The following ACER3 variants were observed in gnomAD, a reference collection of about 807,000 sequenced individuals.
ACER3 encodes alkCDase 3.
In ACER3, 16 loss-of-function variants were observed where a neutral mutation model predicts 48.9. The ratio of observed to expected loss-of-function variants is 0.33; its 90% confidence interval spans 0.22 to 0.50. ACER3 has a LOEUF of 0.50. Ranked by LOEUF, ACER3 falls within the 20% of genes least tolerant of loss-of-function variation. The probability of loss-of-function intolerance (pLI) is 0.98; values close to 1 mark genes in which losing one functional copy is unlikely to be tolerated. For missense variants in ACER3, 227 were observed against 326.0 expected, an observed-to-expected ratio of 0.70 and a Z score of 2.34; for synonymous variants, 109 against 107.8, an observed-to-expected ratio of 1.01 and a Z score of -0.07.
intron 2 of ACER3, among the ~76,000 whole-genome samples, chr11:76,952,184 T>C (rs2134993133): frequency 6.6e-6 from 1 of 151,144 alleles, no homozygotes; most frequent in South Asian, 2.1e-4. Context: ...ATATGAAAAT[T>C]AGCCAGATGA....
chr11:76,868,184 T>G, intron 1 of ACER3: 1 of 1,289,838 alleles, frequency 7.8e-7, no homozygotes, highest in Non-Finnish European at 1.0e-6. Flanking sequence ...AGGCTTCTTT[T>G]TTGGTCTTGG....
chr11:76,888,215 C>T (rs1413184109), intron 1 of ACER3, among the ~76,000 whole-genome samples: 1 of 152,074 alleles, frequency 6.6e-6, no homozygotes, highest in Non-Finnish European at 1.5e-5. Flanking sequence ...TGGTATAAAG[C>T]TGTTGTGTAT....
chr11:76,946,419 T>C (rs978598539), intron 2 of ACER3, among the ~76,000 whole-genome samples: 2 of 152,128 alleles, frequency 1.3e-5, no homozygotes, highest in African/African-American at 4.8e-5. Flanking sequence ...GTCCTAAGTA[T>C]GAGTAGGAGA....
intron 1 of ACER3, among the ~76,000 whole-genome samples, chr11:76,914,454 T>G (rs1275116178): frequency 6.6e-6 from 1 of 152,162 alleles, no homozygotes; most frequent in Non-Finnish European, 1.5e-5. Context: ...ATGCTCACCA[T>G]CACTGGCCAT....
intron 8 of ACER3, among the ~76,000 whole-genome samples, chr11:77,015,798 C>G (rs1555023185): frequency 6.6e-6 from 1 of 152,102 alleles, no homozygotes; most frequent in Admixed American, 6.6e-5. Flanking sequence ...ATGACCTGGT[C>G]TCTTCGACAA....
At chr11:76,974,897 C>A (rs1948402842) in intron 3 of ACER3, among the ~76,000 whole-genome samples, 1 of 152,178 alleles carries the variant, frequency 6.6e-6, no homozygotes. Flanking sequence ...ATGTAATCTG[C>A]AGACCTATTT....
chr11:76,936,692 T>C lies in ACER3; in HGVS notation c.214+10025T>C, dbSNP rs574556497. Among the ~76,000 whole-genome samples, 9 of 150,984 alleles carry C rather than the reference T, an allele frequency of 6.0e-5. No individual in the cohort carries two copies. In the South Asian group the frequency reaches 1.5e-3, roughly 25 times the overall value. On this transcript the variant is annotated intron_variant, in intron 2 of 10. Transcript: ENST00000532485. ...ACAAGAAAAGGTTTAATATCCCTAA[T>C]ATACAATTTTTCTTTTCTTTCTTTC...
At chr11:76,923,988 A>G (rs547054556) in intron 1 of ACER3, among the ~76,000 whole-genome samples, 105 of 152,138 alleles carry the variant, frequency 6.9e-4, no homozygotes, top group Non-Finnish European at 1.3e-3. Context: ...TTCTCTCTAA[A>G]GTTGTCTCTC....
intron 1 of ACER3, among the ~76,000 whole-genome samples, chr11:76,923,377 T>C (rs1413296819): frequency 6.6e-6 from 1 of 152,226 alleles, no homozygotes; most frequent in Non-Finnish European, 1.5e-5. Flanking sequence ...TGATCTTCTT[T>C]CTGTCACTGT....
At chr11:76,897,812 G>A (rs1160480850) in intron 1 of ACER3, among the ~76,000 whole-genome samples, 1 of 152,096 alleles carries the variant, frequency 6.6e-6, no homozygotes, top group Non-Finnish European at 1.5e-5. Context: ...CATCTTTTAG[G>A]TAAAAATGTG....
At chr11:76,977,100 G>A (rs927150644) in intron 4 of ACER3, among the ~76,000 whole-genome samples, 2 of 152,162 alleles carry the variant, frequency 1.3e-5, no homozygotes, top group South Asian at 2.1e-4. Context: ...ATGGGTATTG[G>A]CCCCATTTTA....
intron 1 of ACER3, among the ~76,000 whole-genome samples, chr11:76,864,596 A>AATTTTTTT (rs1945025071): frequency 2.0e-5 from 2 of 99,926 alleles, no homozygotes; most frequent in Non-Finnish European, 4.0e-5. Flanking sequence ...TGGAATGGGT[A>AATTTTTTT]TTTTTTTTTT....
At chr11:76,889,954 G>A (rs12222735) in intron 1 of ACER3, among the ~76,000 whole-genome samples, 15,995 of 150,928 alleles carry the variant, frequency 0.11, 1,050 homozygotes, top group East Asian at 0.36. Context: ...ACAATATTTC[G>A]TATTCAATAA....
At chr11:76,906,791 G>C (rs1289492980) in intron 1 of ACER3, among the ~76,000 whole-genome samples, 1 of 152,032 alleles carries the variant, frequency 6.6e-6, no homozygotes, top group Non-Finnish European at 1.5e-5. Context: ...GAACTCCTGA[G>C]CTCAAGCAGT....
intron 1 of ACER3, among the ~76,000 whole-genome samples, chr11:76,892,913 C>T (rs1445910506): frequency 6.6e-6 from 1 of 152,050 alleles, no homozygotes; most frequent in Non-Finnish European, 1.5e-5. Flanking sequence ...TATAGAAAAA[C>T]CTGAAGACTC....
intron 2 of ACER3, among the ~76,000 whole-genome samples, chr11:76,944,438 A>C (rs1279397589): frequency 6.6e-6 from 1 of 152,110 alleles, no homozygotes; most frequent in Non-Finnish European, 1.5e-5. Context: ...TCTGGGAAAG[A>C]CTTTATTTTG....
chr11:76,903,681 ACT>A (rs573898849), intron 1 of ACER3, among the ~76,000 whole-genome samples: 57 of 151,964 alleles, frequency 3.8e-4, no homozygotes, highest in African/African-American at 1.3e-3. Flanking sequence ...CTCCAACCTG[ACT>A]CTCTGTTATA....
chr11:76,928,477 T>C (rs1440018024), intron 2 of ACER3, among the ~76,000 whole-genome samples: 2 of 152,242 alleles, frequency 1.3e-5, no homozygotes, highest in Non-Finnish European at 2.9e-5. Flanking sequence ...TAGATCCCAT[T>C]TGTCAATTTT....
At chr11:76,886,527 T>A (rs1945675824) in intron 1 of ACER3, among the ~76,000 whole-genome samples, 1 of 152,144 alleles carries the variant, frequency 6.6e-6, no homozygotes, top group African/African-American at 2.4e-5. Context: ...AAAAGGAAGA[T>A]GTTGTTAAAT....
Sources: gnomAD v4.1 joint callset for allele counts (sites outside exome capture counted in the v4.1 genomes callset) on GRCh38, gnomAD v4.1.1 for gene constraint, MANE v1.5 for transcripts, NCBI Gene and HGNC (gene_info 2026-07-23, HGNC 2026-07-21) for gene names.